The following BMP5 variants were observed in gnomAD, a reference collection of about 807,000 sequenced individuals.
BMP5 encodes bone morphogenetic protein 5.
BMP5 carries 23 observed loss-of-function variants against 46.6 expected under a neutral mutation model. The observed-to-expected ratio is 0.49, with a 90% CI of 0.35 to 0.70. BMP5 has a LOEUF of 0.70. BMP5 is among the 30% of genes least tolerant of loss of function. The probability of loss-of-function intolerance (pLI) is 0.00; values close to 1 mark genes in which losing one functional copy is unlikely to be tolerated. For missense variants in BMP5, 545 were observed against 565.6 expected, an observed-to-expected ratio of 0.96 and a Z score of 0.37; for synonymous variants, 204 against 191.9, an observed-to-expected ratio of 1.06 and a Z score of -0.52.
intron 1 of BMP5, among the ~76,000 whole-genome samples, chr6:55,844,669 T>A (rs1196185108): frequency 1.3e-5 from 2 of 151,916 alleles, no homozygotes; most frequent in African/African-American, 2.4e-5. Context: ...ATTAAAATTT[T>A]TATAAATCAC....
chr6:55,817,542 T>C (rs925175805), intron 2 of BMP5, among the ~76,000 whole-genome samples: 7 of 151,864 alleles, frequency 4.6e-5, no homozygotes, highest in African/African-American at 1.7e-4. Flanking sequence ...TAGGTGGGAA[T>C]TGAACAATGA....
chr6:55,821,434 A>G (rs1039222859), intron 1 of BMP5, among the ~76,000 whole-genome samples: 11 of 152,154 alleles, frequency 7.2e-5, no homozygotes, highest in Admixed American at 7.2e-4. Flanking sequence ...TCCTCCTGCC[A>G]TAGCCTCCCA....
intron 2 of BMP5, among the ~76,000 whole-genome samples, chr6:55,799,718 T>A (rs1409088690): frequency 6.6e-6 from 1 of 152,216 alleles, no homozygotes; most frequent in Non-Finnish European, 1.5e-5. Context: ...AGCTCCCTTC[T>A]GAACCATCTC....
chr6:55,788,222 T>G (rs1183641641), intron 3 of BMP5, among the ~76,000 whole-genome samples: 1 of 151,740 alleles, frequency 6.6e-6, no homozygotes, highest in Non-Finnish European at 1.5e-5. Flanking sequence ...CCTATTGCAT[T>G]ACGAAAAGCT....
At chr6:55,775,853 G>A (rs765741311) in intron 3 of BMP5, among the ~76,000 whole-genome samples, 19 of 151,298 alleles carry the variant, frequency 1.3e-4, no homozygotes, top group African/African-American at 9.7e-5. Context: ...AGACCGTGTC[G>A]TATAAGGTTG....
chr6:55,873,126 A>C (rs1246028228), intron 1 of BMP5, among the ~76,000 whole-genome samples: 4 of 151,930 alleles, frequency 2.6e-5, no homozygotes, highest in African/African-American at 7.2e-5. Flanking sequence ...AGGATTGCTA[A>C]GAGCAAATGA....
At chr6:55,830,458 G>A (rs370907845) in intron 1 of BMP5, among the ~76,000 whole-genome samples, 5 of 152,026 alleles carry the variant, frequency 3.3e-5, no homozygotes, top group Non-Finnish European at 7.4e-5. Flanking sequence ...ATTCAGCTAC[G>A]CATCTTTGAG....
chr6:55,809,143 C>T (rs181332698), intron 2 of BMP5, among the ~76,000 whole-genome samples: 21 of 152,252 alleles, frequency 1.4e-4, no homozygotes, highest in African/African-American at 5.1e-4. Context: ...TGAATATTCT[C>T]TAAATGAAAA....
chr6:55,815,268 A>G (rs1473824798), intron 2 of BMP5, among the ~76,000 whole-genome samples: 1 of 152,220 alleles, frequency 6.6e-6, no homozygotes, highest in Admixed American at 6.5e-5. Flanking sequence ...TAAATATACT[A>G]TAACCCTAGA....
intron 2 of BMP5, among the ~76,000 whole-genome samples, chr6:55,809,353 A>T (rs1049113212): frequency 3.9e-5 from 6 of 152,284 alleles, no homozygotes; most frequent in Non-Finnish European, 8.8e-5. Flanking sequence ...TGTAAAAGTT[A>T]TTTAACAACC....
intron 3 of BMP5, among the ~76,000 whole-genome samples, chr6:55,789,656 C>G (rs1228071354): frequency 1.3e-5 from 2 of 151,878 alleles, no homozygotes; most frequent in African/African-American, 4.8e-5. Context: ...CTATTAAAAA[C>G]AAAAATAGAA....
At chr6:55,853,152 TA>T (rs1193070202) in intron 1 of BMP5, among the ~76,000 whole-genome samples, 3 of 21,010 alleles carry the variant, frequency 1.4e-4, no homozygotes, top group African/African-American at 9.0e-4. Flanking sequence ...TAAAATAAAA[TA>T]AAATAAAATA....
chr6:55,822,932 G>T (rs904683156), intron 1 of BMP5, among the ~76,000 whole-genome samples: 1 of 152,018 alleles, frequency 6.6e-6, no homozygotes, highest in African/African-American at 2.4e-5. Context: ...ATATCCTACT[G>T]CTTTGAATCA....
intron 1 of BMP5, among the ~76,000 whole-genome samples, chr6:55,845,144 C>T (rs1208115328): frequency 2.6e-5 from 4 of 151,910 alleles, no homozygotes; most frequent in African/African-American, 9.7e-5. Context: ...CTTTACATGG[C>T]ACATGTGCAT....
intron 2 of BMP5, among the ~76,000 whole-genome samples, chr6:55,818,261 T>TA: frequency 6.6e-6 from 1 of 151,576 alleles, no homozygotes; most frequent in East Asian, 1.9e-4. Flanking sequence ...TTTTTTTTTT[T>TA]AATCTTTTGG....
At chr6:55,825,071 G>A (rs1432621431) in intron 1 of BMP5, among the ~76,000 whole-genome samples, 1 of 151,762 alleles carries the variant, frequency 6.6e-6, no homozygotes, top group Non-Finnish European at 1.5e-5. Flanking sequence ...ATTTATTAGA[G>A]CTGATGGTTG....
Position 55,794,272 on chromosome 6 carries a change from T to G in BMP5, c.832+7A>C. 1.2e-6 allele frequency: 2 copies of G among 1,613,874 alleles called. No individual in the cohort carries two copies. Among genetic ancestry groups the G allele is most frequent in the East Asian group, 4.5e-5 (2 of 44,836 alleles). On this transcript the variant is annotated splice_region_variant and intron_variant, in intron 3 of 6. Coordinates refer to ENST00000370830, the MANE Select transcript of BMP5 (RefSeq NM_021073.4). ...TCACAAAAAAATATATAAAATTCAG[T>G]GCTTACCATCCCCTGTTTCTGCACA... is the stretch of plus-strand genomic sequence containing the variant.
intron 3 of BMP5, among the ~76,000 whole-genome samples, chr6:55,779,365 GCTCTTGCAGTATCCGT>G (rs1159085212): frequency 6.6e-6 from 1 of 151,960 alleles, no homozygotes; most frequent in East Asian, 1.9e-4. Context: ...TTCAAAAATG[GCTCTTGCAGTATCCGT>G]TATGGACTCC....
intron 1 of BMP5, among the ~76,000 whole-genome samples, chr6:55,861,827 A>G (rs1245186397): frequency 1.3e-5 from 2 of 152,242 alleles, no homozygotes; most frequent in East Asian, 3.8e-4. Context: ...TTTACAAAGA[A>G]TTCAACACAG....
Sources: gnomAD v4.1 joint callset for allele counts (sites outside exome capture counted in the v4.1 genomes callset) on GRCh38, gnomAD v4.1.1 for gene constraint, MANE v1.5 for transcripts, NCBI Gene and HGNC (gene_info 2026-07-23, HGNC 2026-07-21) for gene names.